The following SGCD variants were observed in gnomAD, a reference collection of about 807,000 sequenced individuals.
The protein encoded by SGCD is delta-sarcoglycan.
Under a neutral mutation model 36.6 loss-of-function variants are expected in SGCD, and 18 were observed. That is an observed-to-expected ratio of 0.49 (90% confidence interval 0.34 to 0.73). SGCD has a LOEUF of 0.73. Ranked by LOEUF, SGCD falls within the 30% of genes least tolerant of loss-of-function variation. The pLI, the probability that SGCD is intolerant of heterozygous loss-of-function variation, is 0.01. For synonymous variants in SGCD, 133 were observed against 130.6 expected (o/e 1.02, Z -0.12); for missense variants, 387 against 346.7 (o/e 1.12, Z -0.92).
intron 1 of SGCD, among the ~76,000 whole-genome samples, chr5:155,958,866 C>T (rs550335382): frequency 2.0e-5 from 3 of 152,178 alleles, no homozygotes; most frequent in African/African-American, 4.8e-5. Flanking sequence ...CTAGCTATTT[C>T]GCTAAATAAT....
intron 1 of SGCD, among the ~76,000 whole-genome samples, chr5:156,049,851 A>T (rs1759870818): frequency 6.8e-6 from 1 of 146,364 alleles, no homozygotes; most frequent in East Asian, 1.9e-4. Flanking sequence ...GAAATTGCAG[A>T]TGTGGTGGAA....
At chr5:155,909,937 T>A (rs1476309636) in intron 1 of SGCD, among the ~76,000 whole-genome samples, 1 of 152,124 alleles carries the variant, frequency 6.6e-6, no homozygotes, top group Non-Finnish European at 1.5e-5. Context: ...TACAATATAC[T>A]GTTTTAATAG....
intron 3 of SGCD, among the ~76,000 whole-genome samples, chr5:156,283,655 T>C (rs958800367): frequency 2.6e-5 from 4 of 152,198 alleles, no homozygotes; most frequent in Non-Finnish European, 5.9e-5. Flanking sequence ...CCTAACTTAG[T>C]AGTTCTCAAA....
chr5:155,839,232 G>A, the SGCD span, among the ~76,000 whole-genome samples: 1,437 of 152,288 alleles, frequency 9.4e-3, 21 homozygotes, highest in African/African-American at 0.033. Context: ...TGCACCTGGC[G>A]AGAAAAGGTT....
chr5:155,781,696 C>T, the SGCD span, among the ~76,000 whole-genome samples: 1 of 152,004 alleles, frequency 6.6e-6, no homozygotes. Context: ...GCCCTAAACT[C>T]CCAGACTCAA....
the SGCD span, among the ~76,000 whole-genome samples, chr5:155,842,915 G>T: frequency 7.5e-4 from 114 of 152,252 alleles, no homozygotes; most frequent in African/African-American, 2.6e-3. Flanking sequence ...ATTGGTAATT[G>T]TGTCTGATCA....
chr5:156,344,610 T>C lies in SGCD; in HGVS notation c.125T>C (p.Leu42Pro), dbSNP rs770112094. Residue 42 changes from leucine to proline, a missense_variant, in exon 3 of 9, where the codon CTC becomes CCC. Physicochemically the swap from Leu to Pro is moderately conservative, Grantham distance 98. Coordinates refer to ENST00000337851, the MANE Select transcript of SGCD (RefSeq NM_000337.6). ...KRCLYFFVLL[L>P]MILILVNLAM... is the part of the protein sequence containing the mutation. ...TGCCTGTATTTCTTTGTCCTGCTCC[T>C]CATGATTTTAATACTGGTGAACTTG... 1.2e-6 allele frequency: 2 copies of C among 1,612,338 alleles called. No homozygotes were observed. Among genetic ancestry groups the C allele is most frequent in the South Asian group, 1.1e-5 (1 of 90,652 alleles).
intron 3 of SGCD, among the ~76,000 whole-genome samples, chr5:156,318,493 G>A (rs1166808989): frequency 6.6e-6 from 1 of 152,058 alleles, no homozygotes; most frequent in Non-Finnish European, 1.5e-5. Flanking sequence ...CACTAAATAT[G>A]AGGAGAGTTC....
upstream of SGCD, among the ~76,000 whole-genome samples, chr5:155,867,080 G>A (rs1755538037): frequency 6.6e-6 from 1 of 152,190 alleles, no homozygotes; most frequent in Non-Finnish European, 1.5e-5. Context: ...AGGTGGGTGA[G>A]TTGATGTCAA....
intron 1 of SGCD, among the ~76,000 whole-genome samples, chr5:155,977,836 C>T (rs1390452536): frequency 6.6e-6 from 1 of 152,100 alleles, no homozygotes; most frequent in Non-Finnish European, 1.5e-5. Context: ...TGGCTCATGC[C>T]CATAATCTCA....
the SGCD span, among the ~76,000 whole-genome samples, chr5:155,816,699 G>T: frequency 2.2e-4 from 33 of 152,222 alleles, no homozygotes; most frequent in African/African-American, 7.9e-4. Context: ...GCAAAAAGTT[G>T]AACATGTGAG....
chr5:156,653,578 C>T (rs1763558939), intron 7 of SGCD, among the ~76,000 whole-genome samples: 1 of 133,160 alleles, frequency 7.5e-6, no homozygotes, highest in South Asian at 2.5e-4. Context: ...CTACCTCCTT[C>T]ATCCTTTTGA....
chr5:156,226,665 A>G (rs1764867665), intron 3 of SGCD, among the ~76,000 whole-genome samples: 1 of 152,178 alleles, frequency 6.6e-6, no homozygotes, highest in Admixed American at 6.5e-5. Context: ...CGGCTGTACT[A>G]GTTTACATTC....
At position 156,385,185 on chromosome 5, in the gene SGCD, AC is replaced by A. The variant is rs1260812413; in HGVS notation, c.192+40510del. On this transcript the variant is annotated intron_variant, in intron 3 of 8. Coordinates refer to ENST00000337851, the MANE Select transcript of SGCD (RefSeq NM_000337.6). ...AGCTCTAATTCCACCTTGACTAGTA[AC>A]CAGTCCTATGCCTTTCACAAACCAC... Among the ~76,000 whole-genome samples, 7 of 152,274 alleles carry A rather than the reference AC, an allele frequency of 4.6e-5. No homozygotes were observed. In the East Asian group the frequency reaches 1.4e-3, roughly 29 times the overall value.
At chr5:156,181,905 C>A (rs1763617414) in intron 3 of SGCD, among the ~76,000 whole-genome samples, 1 of 152,186 alleles carries the variant, frequency 6.6e-6, no homozygotes, top group South Asian at 2.1e-4. Flanking sequence ...TTTGGAGGAT[C>A]TGTGACTGAG....
At chr5:156,324,376 CA>C (rs1187139996), upstream of SGCD, among the ~76,000 whole-genome samples, 2 of 151,906 alleles carry the variant, frequency 1.3e-5, no homozygotes, top group Admixed American at 1.3e-4. Context: ...AAACTATCTT[CA>C]ACAAATGACA....
intron 1 of SGCD, among the ~76,000 whole-genome samples, chr5:155,947,453 A>G (rs1757463012): frequency 6.6e-6 from 1 of 152,124 alleles, no homozygotes; most frequent in Admixed American, 6.6e-5. Context: ...GAATGAGATT[A>G]CAGAGGAAAC....
At position 156,142,235 on chromosome 5, in the gene SGCD, C is replaced by T. The variant is rs953632596; in HGVS notation, c.-44+18216C>T. On this transcript the variant is annotated intron_variant, in intron 3 of 9. Coordinates refer to the SGCD transcript ENST00000517913. The stretch of plus-strand genomic sequence containing the variant: ...ACTTGAAAGTTTCCTGGGGCCTCCC[C>T]GGAAGCAGAAGCCACTATACTTCCT... 6.6e-5 allele frequency among the ~76,000 whole-genome samples: 10 copies of T among 152,274 alleles called. No homozygotes were observed. In the East Asian group the frequency reaches 7.7e-4, roughly 12 times the overall value.
intron 4 of SGCD, among the ~76,000 whole-genome samples, chr5:156,549,942 T>C (rs1255434264): frequency 1.3e-5 from 2 of 152,198 alleles, no homozygotes; most frequent in Non-Finnish European, 2.9e-5. Flanking sequence ...AAATAATAAC[T>C]GAGAGTACTG....
Sources: allele counts gnomAD v4.1 joint callset (sites outside exome capture counted in the v4.1 genomes callset), GRCh38; gene constraint gnomAD v4.1.1; transcripts MANE v1.5; gene names NCBI Gene and HGNC (gene_info 2026-07-23, HGNC 2026-07-21).